The following PALS1 variants were observed in gnomAD, a reference collection of about 807,000 sequenced individuals.
PALS1 encodes protein PALS1.
In PALS1, 31 loss-of-function variants were observed where a neutral mutation model predicts 78.9. The ratio of observed to expected loss-of-function variants is 0.39; its 90% confidence interval spans 0.30 to 0.53. The LOEUF (loss-of-function observed/expected upper bound fraction) is 0.53. Among genes scored for constraint, PALS1 ranks in the 20% least tolerant of loss-of-function variants. PALS1 has a pLI of 0.67. For missense variants in PALS1, 704 were observed against 826.5 expected (o/e 0.85, Z 1.82); for synonymous variants, 276 against 270.9 (o/e 1.02, Z -0.18).
intron 2 of PALS1, among the ~76,000 whole-genome samples, chr14:67,273,286 C>T (rs556806523): frequency 1.3e-4 from 20 of 150,942 alleles, no homozygotes; most frequent in African/African-American, 2.7e-4. Flanking sequence ...CCCAACCCCA[C>T]GACAGGCCCC....
At chr14:67,308,854 G>C (rs1032092595) in intron 8 of PALS1, among the ~76,000 whole-genome samples, 1 of 151,942 alleles carries the variant, frequency 6.6e-6, no homozygotes, top group Non-Finnish European at 1.5e-5. Flanking sequence ...TTATTAATAA[G>C]TAATTCTAAT....
intron 2 of PALS1, among the ~76,000 whole-genome samples, chr14:67,277,991 T>C (rs545168716): frequency 6.6e-6 from 1 of 152,266 alleles, no homozygotes; most frequent in East Asian, 1.9e-4. Flanking sequence ...GATACAACCG[T>C]TTTCTCTAAA....
intron 13 of PALS1, among the ~76,000 whole-genome samples, chr14:67,321,895 C>T (rs1034657920): frequency 2.6e-5 from 4 of 152,028 alleles, no homozygotes; most frequent in Non-Finnish European, 4.4e-5. Context: ...AATAATTTCC[C>T]TTTTCTGATT....
intron 6 of PALS1, 30 bp downstream of exon 6, chr14:67,302,148 A>G (rs2084940633): frequency 6.4e-7 from 1 of 1,565,882 alleles, no homozygotes; most frequent in South Asian, 1.2e-5. Flanking sequence ...TTTTTAAACA[A>G]GTGCATTTTT....
At chr14:67,250,079 A>G (rs1348037522) in intron 1 of PALS1, among the ~76,000 whole-genome samples, 8 of 152,176 alleles carry the variant, frequency 5.3e-5, no homozygotes, top group Admixed American at 1.3e-4. Flanking sequence ...GAGCGATTTT[A>G]TGGCACACAA....
chr14:67,323,209 A>G (rs929224025), intron 13 of PALS1, among the ~76,000 whole-genome samples: 1 of 140,474 alleles, frequency 7.1e-6, no homozygotes, highest in Non-Finnish European at 1.5e-5. Context: ...GTGTATATAT[A>G]TACATATATA....
chr14:67,276,956 T>G (rs1461539194), intron 2 of PALS1, among the ~76,000 whole-genome samples: 1 of 152,228 alleles, frequency 6.6e-6, no homozygotes, highest in African/African-American at 2.4e-5. Flanking sequence ...ACACATCATT[T>G]AATATTAAAT....
At chr14:67,253,687 A>G (rs972478630) in intron 1 of PALS1, among the ~76,000 whole-genome samples, 1 of 152,130 alleles carries the variant, frequency 6.6e-6, no homozygotes, top group Admixed American at 6.6e-5. Flanking sequence ...CCTACAAAAA[A>G]TACAAAAAAA....
At chr14:67,252,494 C>A (rs1037181338) in intron 1 of PALS1, among the ~76,000 whole-genome samples, 4 of 152,194 alleles carry the variant, frequency 2.6e-5, no homozygotes, top group African/African-American at 9.6e-5. Context: ...TCATGGGAAC[C>A]CCTGATGAAT....
intron 11 of PALS1, among the ~76,000 whole-genome samples, chr14:67,318,977 G>C (rs1595613163): frequency 6.6e-6 from 1 of 151,846 alleles, no homozygotes; most frequent in East Asian, 1.9e-4. Flanking sequence ...AGAATGGCGT[G>C]AACCCGGGAG....
intron 1 of PALS1, among the ~76,000 whole-genome samples, chr14:67,255,968 G>A (rs1275484410): frequency 6.6e-6 from 1 of 152,200 alleles, no homozygotes; most frequent in Non-Finnish European, 1.5e-5. Context: ...ATTACAGACA[G>A]TTGTGAGCCT....
intron 2 of PALS1, chr14:67,270,614 A>G (rs1347435073): frequency 6.8e-6 from 1 of 146,010 alleles, no homozygotes; most frequent in Admixed American, 7.0e-5. Context: ...AAAGAGAGGG[A>G]GAGTGCAATT....
chr14:67,275,950 T>C (rs1047737748), intron 2 of PALS1, among the ~76,000 whole-genome samples: 8 of 152,216 alleles, frequency 5.3e-5, no homozygotes, highest in African/African-American at 1.9e-4. Context: ...TGTATTTCTG[T>C]GGGGTTGGTG....
At chr14:67,330,343 A>G (rs1029917986) in intron 14 of PALS1, among the ~76,000 whole-genome samples, 1 of 151,724 alleles carries the variant, frequency 6.6e-6, no homozygotes, top group Admixed American at 6.6e-5. Context: ...TTTCAAATGT[A>G]GGCATTTGAA....
chr14:67,312,818 C>A, intron 9 of PALS1, 108 bp downstream of exon 9: 1 of 912,790 alleles, frequency 1.1e-6, no homozygotes, highest in Non-Finnish European at 1.5e-6. Flanking sequence ...TAAAGTATTC[C>A]AGTTACTTTT....
chr14:67,300,696 A>G (rs1461997109), intron 4 of PALS1, among the ~76,000 whole-genome samples: 1 of 152,118 alleles, frequency 6.6e-6, no homozygotes, highest in Non-Finnish European at 1.5e-5. Context: ...AAGATAAGGA[A>G]ACAGGCTAAA....
intron 3 of PALS1, among the ~76,000 whole-genome samples, chr14:67,287,973 G>A (rs1283641939): frequency 6.6e-6 from 1 of 152,130 alleles, no homozygotes; most frequent in Non-Finnish European, 1.5e-5. Context: ...GACCCAGTAG[G>A]GATACAATTA....
At chr14:67,330,088 C>T (rs954445217) in intron 14 of PALS1, among the ~76,000 whole-genome samples, 4 of 150,254 alleles carry the variant, frequency 2.7e-5, no homozygotes, top group African/African-American at 7.3e-5. Context: ...GACAAATGCT[C>T]TGCTGTCTGT....
At chr14:67,272,221 G>T (rs142784874) in intron 2 of PALS1, among the ~76,000 whole-genome samples, 310 of 152,162 alleles carry the variant, frequency 2.0e-3, no homozygotes, top group African/African-American at 7.0e-3. Flanking sequence ...TTCATAGGAT[G>T]GACCCAATCA....
Sources: gnomAD v4.1 joint callset for allele counts (sites outside exome capture counted in the v4.1 genomes callset) on GRCh38, gnomAD v4.1.1 for gene constraint, MANE v1.5 for transcripts, NCBI Gene and HGNC (gene_info 2026-07-23, HGNC 2026-07-21) for gene names.